Variants in CCSER1 observed in about 807,000 individuals in gnomAD.
CCSER1 encodes the protein coiled-coil serine rich protein 1.
In CCSER1, 41 loss-of-function variants were observed where a neutral mutation model predicts 82.0. The ratio of observed to expected loss-of-function variants is 0.50; its 90% CI spans 0.39 to 0.65. The LOEUF (loss-of-function observed/expected upper bound fraction) is 0.65, where lower values mean the gene tolerates loss of function less well. Ranked by LOEUF, CCSER1 falls within the 30% of genes least tolerant of loss-of-function variation. CCSER1 has a pLI of 0.00. For synonymous variants in CCSER1, 414 were observed against 383.9 expected, an observed-to-expected ratio of 1.08 and a Z score of -0.92; for missense variants, 1,119 against 1,064.2, an observed-to-expected ratio of 1.05 and a Z score of -0.72.
chr4:91,597,812 A>G (rs1481161399), intron 10 of CCSER1, among the ~76,000 whole-genome samples: 3 of 152,160 alleles, frequency 2.0e-5, no homozygotes, highest in South Asian at 2.1e-4. Context: ...TTTTACCTCA[A>G]TGTGTTTTTC....
chr4:91,085,759 A>G (rs1007870796), intron 9 of CCSER1, among the ~76,000 whole-genome samples, 191 bp from the exon 10 acceptor site: 6 of 148,908 alleles, frequency 4.0e-5, no homozygotes, highest in Non-Finnish European at 8.9e-5. Context: ...ATGCATTGGG[A>G]CTACATTTGA....
chr4:90,682,226 C>T (rs36039544), intron 6 of CCSER1, among the ~76,000 whole-genome samples: 17,594 of 150,522 alleles, frequency 0.12, 1,362 homozygotes, highest in East Asian at 0.3. Flanking sequence ...AATAATTCCG[C>T]TTATATTGAT....
chr4:90,577,795 T>C (rs1260296656), intron 5 of CCSER1, among the ~76,000 whole-genome samples: 1 of 152,178 alleles, frequency 6.6e-6, no homozygotes, highest in Non-Finnish European at 1.5e-5. Context: ...CTGTAGGGAA[T>C]AATTATTTAT....
chr4:91,423,051 T>C (rs1753767027), intron 10 of CCSER1, among the ~76,000 whole-genome samples: 1 of 152,184 alleles, frequency 6.6e-6, no homozygotes, highest in Non-Finnish European at 1.5e-5. Flanking sequence ...CTGACAGTTT[T>C]ATATGGCATG....
chr4:90,773,877 G>A (rs79434486), intron 7 of CCSER1, among the ~76,000 whole-genome samples: 3,213 of 152,204 alleles, frequency 0.021, 98 homozygotes, highest in African/African-American at 0.067. Flanking sequence ...CTCAAAAAAG[G>A]AGACGTTAGA....
rs1778117932 is a variant in CCSER1, at chr4:90,556,207, C to A, written c.1725-71818C>A. 3.3e-5 allele frequency among the ~76,000 whole-genome samples: 5 copies of A among 152,150 alleles called. No individual in the cohort carries two copies. The South Asian group carries it at 1.0e-3, about 32-fold the overall frequency. ...TAGCCAAAAACTCATACTGGGAAAACAGTTTAAGAAGCTAATTAAACTGAT... is the reference window on the plus strand; with the variant it reads ...TAGCCAAAAACTCATACTGGGAAAAAAGTTTAAGAAGCTAATTAAACTGAT... On this transcript the variant is annotated intron_variant, in intron 5 of 10. Transcript: ENST00000509176.
At chr4:90,390,808 G>T (rs1263600682) in intron 3 of CCSER1, among the ~76,000 whole-genome samples, 1 of 152,116 alleles carries the variant, frequency 6.6e-6, no homozygotes, top group African/African-American at 2.4e-5. Context: ...TACCAGTAAT[G>T]GGATTGCTGA....
intron 7 of CCSER1, among the ~76,000 whole-genome samples, chr4:90,738,840 T>C (rs1746081798): frequency 6.6e-6 from 1 of 152,144 alleles, no homozygotes; most frequent in African/African-American, 2.4e-5. Flanking sequence ...TGAATGCTCT[T>C]GTCCTGAGTC....
intron 10 of CCSER1, among the ~76,000 whole-genome samples, chr4:91,223,532 C>G (rs766320873): frequency 1.1e-4 from 17 of 152,110 alleles, no homozygotes; most frequent in Non-Finnish European, 1.9e-4. Flanking sequence ...AAAAATCACT[C>G]TGGCACAGAT....
chr4:90,621,839 G>A lies in CCSER1; in HGVS notation c.1725-6186G>A, dbSNP rs891331635. 7.2e-5 allele frequency among the ~76,000 whole-genome samples: 11 copies of A among 152,180 alleles called. 1 individual carries two copies. The highest frequency in any genetic ancestry group is 5.2e-4 in the Admixed American group (8 of 15,278). ...AACTCTATGTCTATCAGCACTACGA[G>A]TCTCCTTTGTCTGTGGCAGATCTTC... On this transcript the variant is annotated intron_variant, in intron 5 of 10. Coordinates refer to ENST00000509176, the MANE Select transcript of CCSER1 (RefSeq NM_001145065.2).
At chr4:90,801,830 C>T (rs904809539) in intron 7 of CCSER1, among the ~76,000 whole-genome samples, 1 of 152,122 alleles carries the variant, frequency 6.6e-6, no homozygotes, top group Admixed American at 6.6e-5. Context: ...GTCTAAGAAT[C>T]ATTTGTTTAG....
At chr4:91,176,326 T>C (rs561234025) in intron 10 of CCSER1, among the ~76,000 whole-genome samples, 1 of 152,218 alleles carries the variant, frequency 6.6e-6, no homozygotes, top group Non-Finnish European at 1.5e-5. Flanking sequence ...TGGTTCCATA[T>C]GTACTTTGAA....
chr4:90,324,853 T>C (rs1737845976), intron 3 of CCSER1, among the ~76,000 whole-genome samples: 1 of 152,170 alleles, frequency 6.6e-6, no homozygotes, highest in Non-Finnish European at 1.5e-5. Flanking sequence ...TTGTATAAGG[T>C]GTAAGGAAGG....
intron 9 of CCSER1, among the ~76,000 whole-genome samples, chr4:90,930,089 A>C (rs1729544640): frequency 6.6e-6 from 1 of 152,200 alleles, no homozygotes; most frequent in African/African-American, 2.4e-5. Context: ...AATAATAGAT[A>C]TCATATTTGC....
chr4:90,905,169 C>T (rs1055888385), intron 8 of CCSER1, among the ~76,000 whole-genome samples: 4 of 152,074 alleles, frequency 2.6e-5, no homozygotes, highest in African/African-American at 9.7e-5. Context: ...CTCTAAATTT[C>T]CTTTCTCCGA....
chr4:90,350,545 A>T (rs1479222467), intron 3 of CCSER1, among the ~76,000 whole-genome samples: 1 of 152,172 alleles, frequency 6.6e-6, no homozygotes, highest in Non-Finnish European at 1.5e-5. Flanking sequence ...TTGAAAAACA[A>T]CAAGGCCAAA....
chr4:90,876,258 T>C (rs1394891666), intron 8 of CCSER1, among the ~76,000 whole-genome samples: 1 of 152,080 alleles, frequency 6.6e-6, no homozygotes, highest in Non-Finnish European at 1.5e-5. Flanking sequence ...ACCAAGATTA[T>C]CATTCATTAT....
intron 3 of CCSER1, among the ~76,000 whole-genome samples, chr4:90,396,856 T>C (rs1752035163): frequency 1.3e-5 from 2 of 152,134 alleles, no homozygotes; most frequent in Admixed American, 1.3e-4. Context: ...GGACCTTGAT[T>C]TTTATTAGCA....
intron 8 of CCSER1, among the ~76,000 whole-genome samples, chr4:90,911,684 C>T (rs955789876): frequency 1.1e-4 from 17 of 152,162 alleles, no homozygotes; most frequent in Non-Finnish European, 7.3e-5. Flanking sequence ...GGCGAGGCAT[C>T]GCCTCACCCA....
Sources: allele counts gnomAD v4.1 joint callset (sites outside exome capture counted in the v4.1 genomes callset), GRCh38; gene constraint gnomAD v4.1.1; transcripts MANE v1.5; gene names NCBI Gene and HGNC (gene_info 2026-07-23, HGNC 2026-07-21).